The following DMD variants were observed in gnomAD, a reference collection of about 807,000 sequenced individuals.
DMD encodes mutant dystrophin.
Under a neutral mutation model 330.1 loss-of-function variants are expected in DMD, and 63 were observed. The observed-to-expected ratio is 0.19, with a 90% confidence interval of 0.16 to 0.24. The LOEUF (loss-of-function observed/expected upper bound fraction) is 0.24, where lower values mean the gene tolerates loss of function less well. Among genes scored for constraint, DMD ranks in the 10% least tolerant of loss-of-function variants. The pLI is 1.00. For missense variants in DMD, 3,344 were observed against 2,684.1 expected, an observed-to-expected ratio of 1.25 and a Z score of -5.43; for synonymous variants, 1,223 against 959.8, an observed-to-expected ratio of 1.27 and a Z score of -5.07.
At chrX:31,726,808 G>A (rs761698871) in intron 52 of DMD, among the ~76,000 whole-genome samples, 16 of 111,828 alleles carry the variant, frequency 1.4e-4, no homozygotes, top group East Asian at 1.1e-3. Flanking sequence ...GACACATCTC[G>A]ACAGACACTT....
At chrX:32,431,312 G>A (rs1341326268) in intron 29 of DMD, among the ~76,000 whole-genome samples, 3 of 111,380 alleles carry the variant, frequency 2.7e-5, no homozygotes, top group Admixed American at 9.5e-5. Flanking sequence ...ACATAGCCCT[G>A]ATGATTAATG....
intron 1 of DMD, among the ~76,000 whole-genome samples, chrX:33,138,493 C>T (rs753377747): frequency 8.9e-6 from 1 of 111,751 alleles, no homozygotes; most frequent in East Asian, 2.8e-4. Flanking sequence ...GATATAAGTA[C>T]AATTTGCCAG....
At chrX:33,324,059 G>GA (rs1255239476) in intron 1 of DMD, among the ~76,000 whole-genome samples, 9 of 110,559 alleles carry the variant, frequency 8.1e-5, no homozygotes, top group African/African-American at 2.0e-4. Flanking sequence ...TTCCCTGTCA[G>GA]AAAAAAATGA....
chrX:31,811,502 A>C (rs916205046), intron 50 of DMD, among the ~76,000 whole-genome samples: 2 of 112,309 alleles, frequency 1.8e-5, no homozygotes, highest in Non-Finnish European at 3.8e-5. Flanking sequence ...TTTTTAAATT[A>C]ATTAATTAAT....
chrX:32,597,887 G>C (rs886391021), intron 12 of DMD, among the ~76,000 whole-genome samples: 1 of 112,034 alleles, frequency 8.9e-6, no homozygotes, highest in Non-Finnish European at 1.9e-5. Context: ...TTGTTTCTTA[G>C]AACATTTTGT....
chrX:32,697,462 G>T (rs938791658), intron 9 of DMD, among the ~76,000 whole-genome samples: 7 of 111,954 alleles, frequency 6.3e-5, no homozygotes, highest in Non-Finnish European at 1.3e-4. Flanking sequence ...TAGAATGTAT[G>T]TATTTCCTTT....
chrX:32,536,283 A>AAAC (rs2047970697), intron 17 of DMD, among the ~76,000 whole-genome samples: 2 of 102,910 alleles, frequency 1.9e-5, no homozygotes, highest in South Asian at 4.3e-4. Flanking sequence ...AAAAAAAAAA[A>AAAC]AAAAACACAC....
chrX:31,409,885 C>G (rs2061562537), intron 60 of DMD, among the ~76,000 whole-genome samples: 1 of 112,013 alleles, frequency 8.9e-6, no homozygotes, highest in South Asian at 3.7e-4. Context: ...GTGACACGAT[C>G]TCTGCTCACT....
chrX:32,121,993 T>C (rs1675517576), intron 44 of DMD, among the ~76,000 whole-genome samples: 1 of 110,396 alleles, frequency 9.1e-6, no homozygotes, highest in Non-Finnish European at 1.9e-5. Context: ...AGGGACAAAG[T>C]CCTAGTGTTT....
At chrX:32,533,613 G>A (rs1162172892) in intron 17 of DMD, among the ~76,000 whole-genome samples, 1 of 112,050 alleles carries the variant, frequency 8.9e-6, no homozygotes. Flanking sequence ...GCTTCCTGAG[G>A]GAAAGCTTAG....
chrX:31,569,649 C>CGT (rs1569551988), intron 55 of DMD, among the ~76,000 whole-genome samples: 40 of 82,399 alleles, frequency 4.9e-4, no homozygotes, highest in African/African-American at 1.7e-3. Flanking sequence ...TATGTATATA[C>CGT]GTATATATAC....
At chrX:32,840,336 C>T (rs1432979188) in intron 4 of DMD, among the ~76,000 whole-genome samples, 3 of 112,025 alleles carry the variant, frequency 2.7e-5, no homozygotes, top group Admixed American at 9.5e-5. Context: ...TTTATATTCA[C>T]TTATATTCAT....
At chrX:32,412,561 A>T (rs1382551795) in intron 29 of DMD, among the ~76,000 whole-genome samples, 1 of 111,989 alleles carries the variant, frequency 8.9e-6, no homozygotes, top group East Asian at 2.8e-4. Flanking sequence ...ATATAGCTGC[A>T]ATTAATCTTG....
intron 1 of DMD, among the ~76,000 whole-genome samples, chrX:33,064,614 C>T (rs1481838307): frequency 4.5e-5 from 5 of 112,011 alleles, no homozygotes; most frequent in African/African-American, 9.7e-5. Flanking sequence ...GATGGCCAGA[C>T]GCGGTGGCTC....
In DMD at chrX:32,141,722, C is replaced by T. The variant is rs1017949551; in HGVS notation, c.6438+75194G>A. 2.9e-4 allele frequency among the ~76,000 whole-genome samples: 29 copies of T among 100,979 alleles called. 1 individual carries two copies. In the South Asian group the frequency reaches 5.2e-3, roughly 18 times the overall value. 87.7% of individuals were successfully genotyped at this position (100,979 alleles called of 115,157 possible). ...ACACACACACACACACACACACACA[C>T]ACGATCTTGCATGGTTTCTCAAATA... On this transcript the variant is annotated intron_variant, in intron 44 of 78. Coordinates refer to ENST00000357033, the MANE Select transcript of DMD (RefSeq NM_004006.3).
At chrX:31,211,862 T>C (rs1041684657) in intron 64 of DMD, among the ~76,000 whole-genome samples, 2 of 111,844 alleles carry the variant, frequency 1.8e-5, no homozygotes, top group Non-Finnish European at 1.9e-5. Flanking sequence ...TAAACAAACA[T>C]GTCAAACAGA....
chrX:32,757,213 T>A (rs2071616043), intron 7 of DMD, among the ~76,000 whole-genome samples: 1 of 111,570 alleles, frequency 9.0e-6, no homozygotes, highest in Non-Finnish European at 1.9e-5. Context: ...TTTTCAAGCA[T>A]ACAATACATT....
intron 17 of DMD, among the ~76,000 whole-genome samples, chrX:32,528,678 C>T (rs1434530564): frequency 9.0e-6 from 1 of 111,019 alleles, no homozygotes; most frequent in East Asian, 2.8e-4. Context: ...AAGAAGCACT[C>T]TACAGCCTCT....
At chrX:31,515,907 A>G (rs1215792185) in intron 55 of DMD, among the ~76,000 whole-genome samples, 1 of 112,549 alleles carries the variant, frequency 8.9e-6, no homozygotes, top group Admixed American at 9.4e-5. Flanking sequence ...AATGACTGTT[A>G]TTTGATACAG....
Sources: allele counts gnomAD v4.1 joint callset (sites outside exome capture counted in the v4.1 genomes callset), GRCh38; gene constraint gnomAD v4.1.1; transcripts MANE v1.5; gene names NCBI Gene and HGNC (gene_info 2026-07-23, HGNC 2026-07-21).